The following WDR27 variants were observed in gnomAD, a reference collection of about 807,000 sequenced individuals.
WDR27 encodes WD repeat domain 27, also known as WD repeat-containing protein 27.
Under a neutral mutation model 114.4 loss-of-function variants are expected in WDR27, and 100 were observed. That is an observed-to-expected ratio of 0.87 (90% CI 0.74 to 1.03). WDR27 has a LOEUF of 1.03. Among genes scored for constraint, WDR27 ranks in the 50% least tolerant of loss-of-function variants. The probability of loss-of-function intolerance (pLI) is 0.00; values close to 1 mark genes in which losing one functional copy is unlikely to be tolerated. For synonymous variants in WDR27, 449 were observed against 423.1 expected (o/e 1.06, Z -0.75); for missense variants, 1,129 against 1,092.9 (o/e 1.03, Z -0.47).
chr6:169,456,387 G>A (rs1049583010), downstream of WDR27, among the ~76,000 whole-genome samples: 75 of 144,776 alleles, frequency 5.2e-4, no homozygotes, highest in Admixed American at 4.4e-3. This position sits in a 1 kb window ranked among gnomAD's most constrained non-coding sequence, Gnocchi z 4.0. Flanking sequence ...TGAAGCTCTG[G>A]GTGGGATGAA....
chr6:169,514,969 C>T (rs558883071), intron 25 of WDR27, among the ~76,000 whole-genome samples: 10 of 151,882 alleles, frequency 6.6e-5, no homozygotes, highest in South Asian at 2.1e-4. Context: ...GCTTTCCCTA[C>T]GAGATTGGAA....
chr6:169,476,978 T>C (rs1562467187), intron 25 of WDR27, among the ~76,000 whole-genome samples: 1 of 152,218 alleles, frequency 6.6e-6, no homozygotes, highest in Admixed American at 6.5e-5. Context: ...AAAAGTGACA[T>C]TTGTGTCTTT....
chr6:169,516,788 AACACACACACACACACACAC>A (rs3032851), intron 25 of WDR27, among the ~76,000 whole-genome samples: 128 of 119,328 alleles, frequency 1.1e-3, no homozygotes, highest in Non-Finnish European at 1.8e-3. Context: ...GGCATGCTCC[AACACACACACACACACACAC>A]ACACACACAC....
At chr6:169,600,535 G>C (rs191049973) in intron 23 of WDR27, among the ~76,000 whole-genome samples, 5 of 152,090 alleles carry the variant, frequency 3.3e-5, no homozygotes, top group Admixed American at 3.3e-4. Context: ...GAGGAAGTTC[G>C]AACCCATGGC....
chr6:169,457,768 ATAG>A (rs1182099806), intron 25 of WDR27, 134 bp from the exon 26 acceptor site: 4 of 626,260 alleles, frequency 6.4e-6, no homozygotes, highest in Non-Finnish European at 8.4e-6. Context: ...ATACATTAAC[ATAG>A]TAGAATCTAT....
At position 169,659,133 on chromosome 6, in the gene WDR27, C is replaced by A. The variant is rs201783872; in HGVS notation, c.1272G>T (p.Arg424Ser). 14 of 1,610,068 alleles carry A rather than the reference C, an allele frequency of 8.7e-6. No homozygotes were observed. Among genetic ancestry groups the A allele is most frequent in the East Asian group, 4.5e-5 (2 of 44,816 alleles). The change falls in exon 12 of 26, where the codon AGG becomes AGT. Residue 424 changes from arginine (R) to serine (S), a missense_variant. Transcript: ENST00000448612. This position sits in a 1 kb window ranked among gnomAD's most constrained non-coding sequence, Gnocchi z 4.3. ...GCCCCATGCTGGGGCACTGCTGAGC[C>A]CTGACTAGCGCGGCCGGGTTGATCT... ...VLEINPAALV[R>S]AQQCPSMGQS... is the part of the protein sequence containing the mutation.
chr6:169,428,787 G>A, the WDR27 span, among the ~76,000 whole-genome samples: 2 of 152,224 alleles, frequency 1.3e-5, no homozygotes, highest in African/African-American at 4.8e-5. Flanking sequence ...TGCCTTCACA[G>A]AAGATGTCCA....
At chr6:169,554,919 CATAA>C (rs1176023007) in intron 25 of WDR27, among the ~76,000 whole-genome samples, 15 of 152,148 alleles carry the variant, frequency 9.9e-5, no homozygotes, top group African/African-American at 3.6e-4. Flanking sequence ...TCCACGATGA[CATAA>C]ATACTCTTGG....
rs774559816 is a variant in WDR27, at chr6:169,695,015, G to GT, written c.-7-6004dup. ...AGTCCCGGCCAGCAGAGGGAGAAGGGTGGTAGCCCAGAGGAAATCCAGGTG... is the reference window on the plus strand; with the variant it reads ...AGTCCCGGCCAGCAGAGGGAGAAGGGTTGGTAGCCCAGAGGAAATCCAGGTG... On this transcript the variant is annotated intron_variant, in intron 1 of 25. Coordinates refer to ENST00000448612, the MANE Select transcript of WDR27 (RefSeq NM_182552.5). Among the ~76,000 whole-genome samples the GT allele has an allele frequency of 1.3e-3, 199 of 152,222 alleles. 2 individuals carry two copies. Among genetic ancestry groups the GT allele is most frequent in the Non-Finnish European group, 6.8e-4 (46 of 68,030 alleles).
intron 25 of WDR27, among the ~76,000 whole-genome samples, chr6:169,485,174 C>G (rs560124568): frequency 1.3e-5 from 2 of 152,198 alleles, no homozygotes; most frequent in African/African-American, 4.8e-5. Flanking sequence ...GCAAATGGGA[C>G]CTAATTAAAC....
Position 169,492,288 on chromosome 6 carries a change from A to T in WDR27, c.2646-34654T>A, listed in dbSNP as rs1005364010. Among the ~76,000 whole-genome samples the T allele has an allele frequency of 5.3e-5, 8 of 152,074 alleles. No homozygotes were observed. The South Asian group carries it at 1.5e-3, about 28-fold the overall frequency. On this transcript the variant is annotated intron_variant, in intron 25 of 25. Coordinates refer to ENST00000448612, the MANE Select transcript of WDR27 (RefSeq NM_182552.5). ...ACATTTGAAGAAGTAACTCAATGAA[A>T]TATAATATTAAAGAATTACCTCAAA... is the stretch of plus-strand genomic sequence containing the variant.
At chr6:169,696,700 G>A (rs1353877723) in intron 1 of WDR27, among the ~76,000 whole-genome samples, 1 of 152,112 alleles carries the variant, frequency 6.6e-6, no homozygotes, top group African/African-American at 2.4e-5. Flanking sequence ...GGATCACGAG[G>A]TCAGGAGTTC....
intron 25 of WDR27, among the ~76,000 whole-genome samples, chr6:169,529,159 G>C (rs1410937343): frequency 6.6e-6 from 1 of 152,060 alleles, no homozygotes; most frequent in Admixed American, 6.5e-5. Flanking sequence ...CATAACTAAG[G>C]AGGTGAAAAA....
the WDR27 span, among the ~76,000 whole-genome samples, chr6:169,439,884 T>TACCAATATTATTATATTGGTAGTTATA: frequency 9.9e-3 from 1,455 of 147,072 alleles, 31 homozygotes; most frequent in African/African-American, 0.036. Flanking sequence ...GGTAGTTATA[T>TACCAATATTATTATATTGGTAGTTATA]TACCAATATT....
intron 25 of WDR27, among the ~76,000 whole-genome samples, chr6:169,550,943 T>C (rs1798017670): frequency 6.6e-6 from 1 of 152,174 alleles, no homozygotes; most frequent in African/African-American, 2.4e-5. Context: ...CTTGAACTCC[T>C]GGACTGAAGC....
intron 22 of WDR27, among the ~76,000 whole-genome samples, chr6:169,605,892 T>C (rs143405948): frequency 1.3e-5 from 2 of 152,076 alleles, no homozygotes; most frequent in African/African-American, 4.8e-5. Context: ...GCTTGAAAAA[T>C]TGGATAGCTA....
intron 25 of WDR27, among the ~76,000 whole-genome samples, chr6:169,565,527 T>A (rs1015699202): frequency 6.6e-6 from 1 of 152,198 alleles, no homozygotes; most frequent in Non-Finnish European, 1.5e-5. Context: ...GTGGAGAAAC[T>A]GAGTGTCCCG....
chr6:169,476,979 T>C (rs1304100204), intron 25 of WDR27, among the ~76,000 whole-genome samples: 1 of 152,224 alleles, frequency 6.6e-6, no homozygotes, highest in Non-Finnish European at 1.5e-5. Flanking sequence ...AAAGTGACAT[T>C]TGTGTCTTTA....
intron 6 of WDR27, chr6:169,666,765 C>T (rs1827931242): frequency 4.0e-6 from 4 of 998,830 alleles, no homozygotes; most frequent in Non-Finnish European, 4.8e-6. Flanking sequence ...CCCAAGCTCA[C>T]GCTGGATGGA....
Sources: allele counts gnomAD v4.1 joint callset (sites outside exome capture counted in the v4.1 genomes callset), GRCh38; gene constraint gnomAD v4.1.1; non-coding constraint Gnocchi (gnomAD v3.1); transcripts MANE v1.5; gene names NCBI Gene and HGNC (gene_info 2026-07-23, HGNC 2026-07-21).